Variants in STK32B observed in about 807,000 individuals in gnomAD.
STK32B encodes the protein serine/threonine-protein kinase 32B.
Under a neutral mutation model 52.6 loss-of-function variants are expected in STK32B, and 43 were observed. The observed-to-expected ratio is 0.82, with a 90% CI of 0.64 to 1.05. The LOEUF is 1.05. Ranked by LOEUF, STK32B falls within the 50% of genes least tolerant of loss-of-function variation. STK32B has a pLI of 0.00. For missense variants in STK32B, 621 were observed against 534.6 expected (o/e 1.16, Z -1.59); for synonymous variants, 238 against 204.3 (o/e 1.17, Z -1.41).
At chr4:5,192,149 A>G (rs1027647201) in intron 3 of STK32B, among the ~76,000 whole-genome samples, 1 of 152,262 alleles carries the variant, frequency 6.6e-6, no homozygotes, top group Non-Finnish European at 1.5e-5. Flanking sequence ...ACCGAATGAC[A>G]GGATCAGTTG....
chr4:5,176,130 G>A (rs989818070), intron 3 of STK32B, among the ~76,000 whole-genome samples: 4 of 152,228 alleles, frequency 2.6e-5, no homozygotes, highest in African/African-American at 4.8e-5. Flanking sequence ...CTGGTGTGCC[G>A]TTTGTTGCGC....
rs1166876140 is a variant in STK32B, at chr4:5,395,297, C to G, written c.435-2910C>G. On this transcript the variant is annotated intron_variant, in intron 4 of 11. Coordinates refer to ENST00000282908, the MANE Select transcript of STK32B (RefSeq NM_018401.3). The surrounding 1 kb of genome is among the most constrained non-coding windows in gnomAD (Gnocchi z 4.4). ...GAATTAAGGGGGTGACACCCATCAC[C>G]TTTGTCAGCTTCCATGGCTAGGACC... is the stretch of plus-strand genomic sequence containing the variant. 3.3e-5 allele frequency among the ~76,000 whole-genome samples: 5 copies of G among 152,212 alleles called. No homozygotes were observed.
At chr4:5,021,284 G>A in the STK32B span, among the ~76,000 whole-genome samples, 7 of 152,244 alleles carry the variant, frequency 4.6e-5, no homozygotes, top group Non-Finnish European at 8.8e-5. Flanking sequence ...GGGACTGTAA[G>A]CTGTGCCTTC....
Position 5,469,069 on chromosome 4 carries a change from T to C in STK32B, c.1106+999T>C, listed in dbSNP as rs956801812. 2.7e-5 allele frequency among the ~76,000 whole-genome samples: 4 copies of C among 148,500 alleles called. No homozygotes were observed. Among genetic ancestry groups the C allele is most frequent in the Admixed American group, 2.7e-4 (4 of 15,014 alleles). On this transcript the variant is annotated intron_variant, in intron 11 of 11. Transcript: ENST00000282908. The surrounding 1 kb of genome is among the most constrained non-coding windows in gnomAD (Gnocchi z 4.7). ...CCGTCTCAAAAAAAAAAAAAAAAAT[T>C]ATCTAGGGGATTTGTGGCTGTGGCT...
chr4:5,313,982 T>C (rs1271580833), intron 3 of STK32B, among the ~76,000 whole-genome samples: 3 of 152,108 alleles, frequency 2.0e-5, no homozygotes, highest in African/African-American at 7.2e-5. Flanking sequence ...AGATGCAACA[T>C]AGTAAAGATA....
chr4:5,434,664 G>A (rs1256701418), intron 6 of STK32B, among the ~76,000 whole-genome samples: 5 of 152,092 alleles, frequency 3.3e-5, no homozygotes, highest in African/African-American at 9.7e-5. Flanking sequence ...TTCCCGAAAT[G>A]GAGGTAGTAC....
At chr4:5,047,647 A>G (rs186180307), upstream of STK32B, among the ~76,000 whole-genome samples, 2 of 152,294 alleles carry the variant, frequency 1.3e-5, 1 homozygote, top group East Asian at 3.9e-4. Flanking sequence ...CCCTGGGGAC[A>G]CACAGCCCTG....
At chr4:5,176,195 C>T (rs1159102463) in intron 3 of STK32B, among the ~76,000 whole-genome samples, 7 of 152,180 alleles carry the variant, frequency 4.6e-5, no homozygotes, top group Non-Finnish European at 8.8e-5. Context: ...CAGGTGCCGG[C>T]TGTTACCCCT....
chr4:5,205,997 C>G (rs1722551788), intron 3 of STK32B, among the ~76,000 whole-genome samples: 2 of 152,144 alleles, frequency 1.3e-5, no homozygotes, highest in Non-Finnish European at 2.9e-5. Context: ...GGTGCCCTAG[C>G]CCAGTCCAGT....
intron 4 of STK32B, among the ~76,000 whole-genome samples, chr4:5,336,503 C>T (rs534726487): frequency 6.6e-6 from 1 of 152,020 alleles, no homozygotes; most frequent in Non-Finnish European, 1.5e-5. Flanking sequence ...TAACTATGAT[C>T]AGTATGTTCA....
chr4:5,305,327 C>G (rs760940005), intron 3 of STK32B, among the ~76,000 whole-genome samples: 2 of 152,044 alleles, frequency 1.3e-5, no homozygotes, highest in Middle Eastern at 3.4e-3. Flanking sequence ...CCTGCACTTT[C>G]TTTCCTTGGT....
intron 1 of STK32B, among the ~76,000 whole-genome samples, chr4:5,071,769 A>G (rs1711794250): frequency 2.6e-5 from 4 of 152,248 alleles, no homozygotes; most frequent in Admixed American, 2.6e-4. Flanking sequence ...CCAGAAAATA[A>G]CAAATGTTTC....
At chr4:5,193,251 G>A (rs1234575798) in intron 3 of STK32B, among the ~76,000 whole-genome samples, 1 of 152,062 alleles carries the variant, frequency 6.6e-6, no homozygotes, top group Non-Finnish European at 1.5e-5. Flanking sequence ...TGCTCTGCAG[G>A]ACTGGGCCTC....
intron 7 of STK32B, among the ~76,000 whole-genome samples, chr4:5,451,132 T>C (rs1250000572): frequency 6.6e-6 from 1 of 152,192 alleles, no homozygotes; most frequent in Admixed American, 6.5e-5. Flanking sequence ...ACAGGAGATG[T>C]GCGGATTATT....
At chr4:5,093,403 G>C (rs1190156792) in intron 1 of STK32B, among the ~76,000 whole-genome samples, 1 of 152,156 alleles carries the variant, frequency 6.6e-6, no homozygotes, top group Non-Finnish European at 1.5e-5. Context: ...GCCACCTCCT[G>C]TTGCTATTGT....
intron 3 of STK32B, among the ~76,000 whole-genome samples, chr4:5,312,347 T>C (rs991971272): frequency 1.3e-5 from 2 of 152,052 alleles, no homozygotes; most frequent in Non-Finnish European, 2.9e-5. Context: ...TGCAGGTAGT[T>C]ACATATGTAT....
intron 6 of STK32B, among the ~76,000 whole-genome samples, chr4:5,442,059 G>C (rs1714832318): frequency 9.1e-6 from 1 of 110,006 alleles, no homozygotes; most frequent in Non-Finnish European, 1.8e-5. Flanking sequence ...GTGGTGTGGT[G>C]CTGAAAAAAA....
chr4:5,295,969 T>A (rs1729172427), intron 3 of STK32B, among the ~76,000 whole-genome samples: 1 of 151,874 alleles, frequency 6.6e-6, no homozygotes, highest in Non-Finnish European at 1.5e-5. Context: ...GTGTTGTGTC[T>A]TTCTCGTTGG....
chr4:5,383,150 T>C (rs995604343), intron 4 of STK32B, among the ~76,000 whole-genome samples: 3 of 152,190 alleles, frequency 2.0e-5, no homozygotes, highest in Non-Finnish European at 2.9e-5. Context: ...CAGTCAGCCG[T>C]GGGTAGGTGA....
Sources: allele counts gnomAD v4.1 joint callset (sites outside exome capture counted in the v4.1 genomes callset), GRCh38; gene constraint gnomAD v4.1.1; non-coding constraint Gnocchi (gnomAD v3.1); transcripts MANE v1.5; gene names NCBI Gene and HGNC (gene_info 2026-07-23, HGNC 2026-07-21).